IK: variants seen among roughly 807,000 people sequenced by gnomAD.
IK encodes protein Red.
In IK, 47 loss-of-function variants were observed where a neutral mutation model predicts 90.9. The ratio of observed to expected loss-of-function variants is 0.52; its 90% CI spans 0.41 to 0.66. The LOEUF is 0.66. Ranked by LOEUF, IK falls within the 30% of genes least tolerant of loss-of-function variation. The pLI is 0.00. For missense variants in IK, 385 were observed against 709.3 expected (o/e 0.54, Z 5.19); for synonymous variants, 201 against 227.5 (o/e 0.88, Z 1.05).
rs1757758571 is a variant in IK at position 140,659,066 on chromosome 5, C to T, written c.1078C>T (p.Arg360Ter). The T allele has an allele frequency of 1.2e-6, 2 of 1,610,716 alleles. No homozygotes were observed. The highest frequency in any genetic ancestry group is 8.5e-7 in the Non-Finnish European group (1 of 1,177,386). The change falls in exon 12 of 20, where the codon CGA becomes TGA. Residue 360 changes from arginine to a stop codon, truncating the protein, a stop_gained. Transcript: ENST00000417647. LOFTEE classifies it high-confidence loss of function. ...CAGAGACCGTGACCGAGAGCGAGAG[C>T]GAGAACGAGATCGGGAACGAGAGCG... is the stretch of plus-strand genomic sequence containing the variant. ...RDRDRDRERE[R>*]ERDRERERER...
chr5:140,654,458 G>A, intron 6 of IK, 58 bp from the exon 7 acceptor site: 1 of 1,302,868 alleles, frequency 7.7e-7, no homozygotes, highest in Non-Finnish European at 1.1e-6. Flanking sequence ...GTGTGGTGTA[G>A]TGGATGTTCA....
rs765243835 is a variant in IK at position 140,659,041 on chromosome 5, C to G, written c.1053C>G (p.Asp351Glu). 1 of 1,611,310 alleles carries G rather than the reference C, an allele frequency of 6.2e-7. No homozygotes were observed. Among genetic ancestry groups the G allele is most frequent in the East Asian group, 2.2e-5 (1 of 44,852 alleles). Residue 351 changes from aspartate (D) to glutamate (E), a missense_variant, in exon 12 of 20, where the codon GAC (aspartate) becomes GAG (glutamate). Coordinates refer to ENST00000417647, the MANE Select transcript of IK (RefSeq NM_006083.4). ...AACGGGAGCGTGATCGGGAAAGAGA[C>G]AGAGACCGTGACCGAGAGCGAGAGC... The part of the protein sequence containing the change: ...YRERERDRER[D>E]RDRDRERERE...
In IK at chr5:140,657,874, G is replaced by A. The variant is rs761859061; in HGVS notation, c.910+212G>A. On this transcript the variant is annotated intron_variant, in intron 10 of 19. Coordinates refer to ENST00000417647, the MANE Select transcript of IK (RefSeq NM_006083.4). ...AGCAGTGGTCAGGTCTGAAGCATGA[G>A]GGATGGAGAGTGGGTAGCTTATGTC... Among the ~76,000 whole-genome samples the A allele has an allele frequency of 3.3e-5, 5 of 152,178 alleles. 1 individual carries two copies. The highest frequency in any genetic ancestry group is 7.2e-5 in the African/African-American group (3 of 41,430).
intron 5 of IK, 111 bp downstream of exon 5, chr5:140,653,255 C>A: frequency 1.3e-5 from 11 of 835,130 alleles, no homozygotes; most frequent in Non-Finnish European, 2.0e-5. Flanking sequence ...TAAGCGATTT[C>A]AGAGGCATTT....
intron 13 of IK, 57 bp downstream of exon 13, chr5:140,659,390 AG>A (rs1757764753): frequency 6.3e-7 from 1 of 1,598,428 alleles, no homozygotes; most frequent in Non-Finnish European, 8.6e-7. Context: ...TTCCCCTGGT[AG>A]GGCTCAGAGC....
Position 140,661,537 on chromosome 5 carries a change from G to A in IK, c.1414-83G>A. Reference sequence around the variant, plus strand: ...AATTGTGGAACCTGGGATTATGGGAGAGTCTGGCTTCAATCAAGGGCTGAA... The same window carrying A: ...AATTGTGGAACCTGGGATTATGGGAAAGTCTGGCTTCAATCAAGGGCTGAA... On this transcript the variant is annotated intron_variant, in intron 16 of 19. Transcript: ENST00000417647. The surrounding 1 kb of genome is among the most constrained non-coding windows in gnomAD (Gnocchi z 4.2). 4 of 815,936 alleles carry A rather than the reference G, an allele frequency of 4.9e-6. No homozygotes were observed. In the South Asian group the frequency reaches 6.4e-5, roughly 13 times the overall value. 50.5% of individuals were successfully genotyped at this position (815,936 alleles called of 1,614,324 possible). A position where few individuals can be genotyped will look rare whatever the true frequency, so the allele number is the denominator to read the frequency against.
intron 15 of IK, 34 bp downstream of exon 15, chr5:140,660,229 G>A: frequency 6.8e-7 from 1 of 1,473,452 alleles, no homozygotes; most frequent in Middle Eastern, 1.8e-4. Context: ...GGGAGGCTGG[G>A]ATGATTGGGA....
At chr5:140,659,493 C>T (rs975633967) in intron 13 of IK, among the ~76,000 whole-genome samples, 160 bp downstream of exon 13, 1 of 152,168 alleles carries the variant, frequency 6.6e-6, no homozygotes, top group African/African-American at 2.4e-5. Context: ...CCTCCACCTT[C>T]CTGGGCCATG....
rs181096543 is a variant in IK at position 140,659,892 on chromosome 5, C to T, written c.1274+58C>T. On this transcript the variant is annotated intron_variant, in intron 14 of 19. Transcript: ENST00000417647. Reference sequence around the variant, plus strand: ...AGAGAACTGGTCTCTTTACTCCAACCCCCCCTGCCTCCCTGCTCCCTCCTA... The same window carrying T: ...AGAGAACTGGTCTCTTTACTCCAACTCCCCCTGCCTCCCTGCTCCCTCCTA... The T allele has an allele frequency of 6.5e-6, 8 of 1,239,248 alleles. No individual in the cohort carries two copies. In the Admixed American group the frequency reaches 1.4e-4, roughly 21 times the overall value. 76.8% of individuals were successfully genotyped at this position (1,239,248 alleles called of 1,614,324 possible).
Position 140,659,157 on chromosome 5 carries a change from A to G in IK, c.1169A>G (p.Asp390Gly). 1 of 1,589,198 alleles carries G rather than the reference A, an allele frequency of 6.3e-7. No homozygotes were observed. The highest frequency in any genetic ancestry group is 1.8e-5 in the Admixed American group (1 of 54,328). Residue 390 changes from aspartate (D) to glycine (G), a missense_variant, in exon 12 of 20, where the codon GAT becomes GGT. Asp to Gly is a moderately conservative substitution (Grantham distance 94). Transcript: ENST00000417647. ...RHSYFEKPKVDDEPMDVDKGP... is the reference protein window; with the variant it reads ...RHSYFEKPKVGDEPMDVDKGP... Reference sequence around the variant, plus strand: ...AGCTACTTTGAGAAGCCAAAAGTAGATGATGAGGTGAGATGTGGGCCCTTA... The same window carrying G: ...AGCTACTTTGAGAAGCCAAAAGTAGGTGATGAGGTGAGATGTGGGCCCTTA...
At chr5:140,651,228 G>A (rs1394690625) in intron 2 of IK, among the ~76,000 whole-genome samples, 1 of 152,082 alleles carries the variant, frequency 6.6e-6, no homozygotes, top group Non-Finnish European at 1.5e-5. Context: ...GAGGTGGGCA[G>A]ATCACCTGAG....
intron 14 of IK, 30 bp from the exon 15 acceptor site, chr5:140,660,085 C>G: frequency 6.3e-7 from 1 of 1,588,396 alleles, no homozygotes; most frequent in Non-Finnish European, 8.6e-7. Context: ...AGGTAGAATC[C>G]TGTGTAGTGT....
intron 10 of IK, among the ~76,000 whole-genome samples, chr5:140,658,082 C>A (rs990801282): frequency 2.0e-5 from 3 of 152,158 alleles, no homozygotes; most frequent in African/African-American, 7.2e-5. Context: ...TCACTGCAAC[C>A]TCTGCCTCCC....
chr5:140,650,802 C>G (rs1757602125), intron 2 of IK, among the ~76,000 whole-genome samples: 1 of 152,108 alleles, frequency 6.6e-6, no homozygotes, highest in African/African-American at 2.4e-5. Context: ...TGGTCTTGAA[C>G]TCCTGACCTC....
intron 5 of IK, among the ~76,000 whole-genome samples, chr5:140,653,431 C>T (rs369280038): frequency 5.0e-4 from 75 of 151,260 alleles, no homozygotes; most frequent in African/African-American, 1.6e-3. Flanking sequence ...GGACTACAGG[C>T]GCCCGCCACC....
chr5:140,659,216 T>G (rs1403292858), intron 12 of IK, 52 bp downstream of exon 12: 10 of 1,607,806 alleles, frequency 6.2e-6, no homozygotes, highest in Non-Finnish European at 7.6e-6. Flanking sequence ...TCTCTGGAAA[T>G]GTGAGCAAGG....
At chr5:140,653,283 GTTC>G (rs1757645338) in intron 5 of IK, 139 bp downstream of exon 5, 4 of 483,836 alleles carry the variant, frequency 8.3e-6, no homozygotes, top group Non-Finnish European at 1.4e-5. Context: ...ACAAAGGGCT[GTTC>G]TTTTTTTTTT....
rs1156956197 is a variant in IK, at chr5:140,661,751, G to C, written c.1502+43G>C. On this transcript the variant is annotated intron_variant, in intron 17 of 19. Coordinates refer to ENST00000417647, the MANE Select transcript of IK (RefSeq NM_006083.4). The surrounding 1 kb of genome is among the most constrained non-coding windows in gnomAD (Gnocchi z 4.2). ...ATGGGCAGGGTGTGAGGAGGGGTGT[G>C]GGGATTTGGTGGAATAGTGCATATA... is the stretch of plus-strand genomic sequence containing the variant. 1 of 1,506,978 alleles carries C rather than the reference G, an allele frequency of 6.6e-7. No homozygotes were observed. Among genetic ancestry groups the C allele is most frequent in the African/African-American group, 1.4e-5 (1 of 72,712 alleles). The allele number at this position is 1,506,978 out of a possible 1,614,324, so 93.4% of individuals were successfully genotyped here.
chr5:140,661,765 A>G lies in IK; in HGVS notation c.1502+57A>G. ...AGGAGGGGTGTGGGGATTTGGTGGAATAGTGCATATAAGGTTAGAGGGTGT... is the reference window on the plus strand; with the variant it reads ...AGGAGGGGTGTGGGGATTTGGTGGAGTAGTGCATATAAGGTTAGAGGGTGT... On this transcript the variant is annotated intron_variant, in intron 17 of 19. Transcript: ENST00000417647. This position sits in a 1 kb window ranked among gnomAD's most constrained non-coding sequence, Gnocchi z 4.2. The G allele has an allele frequency of 7.0e-7, 1 of 1,431,448 alleles. No homozygotes were observed. 88.7% of individuals were successfully genotyped at this position (1,431,448 alleles called of 1,614,324 possible).
Sources: gnomAD v4.1 joint callset for allele counts (sites outside exome capture counted in the v4.1 genomes callset) on GRCh38, gnomAD v4.1.1 for gene constraint, Gnocchi (gnomAD v3.1) non-coding constraint, MANE v1.5 for transcripts, NCBI Gene and HGNC (gene_info 2026-07-23, HGNC 2026-07-21) for gene names.